Variants in CSMD3 observed in about 807,000 individuals in gnomAD.
CSMD3 encodes CUB and sushi domain-containing protein 3.
CSMD3 carries 177 observed loss-of-function variants against 435.2 expected under a neutral mutation model. The observed-to-expected ratio is 0.41, with a 90% CI of 0.36 to 0.46. CSMD3 has a LOEUF of 0.46. Ranked by LOEUF, CSMD3 falls within the 20% of genes least tolerant of loss-of-function variation. CSMD3 has a pLI of 0.34. For synonymous variants in CSMD3, 1,656 were observed against 1,520.5 expected (o/e 1.09, Z -2.07); for missense variants, 4,265 against 4,504.6 (o/e 0.95, Z 1.52).
chr8:112,244,820 A>G (rs1287124875), intron 64 of CSMD3, among the ~76,000 whole-genome samples: 1 of 151,772 alleles, frequency 6.6e-6, no homozygotes, highest in African/African-American at 2.4e-5. Context: ...TAAATTGAGA[A>G]AAAAAAAGAC....
chr8:112,847,886 G>A (rs1016835608), intron 11 of CSMD3, among the ~76,000 whole-genome samples: 3 of 152,024 alleles, frequency 2.0e-5, no homozygotes, highest in Non-Finnish European at 4.4e-5. Context: ...TGTATTTAAT[G>A]GATCTAAAGA....
chr8:112,270,063 C>T (rs1229081204), intron 59 of CSMD3, among the ~76,000 whole-genome samples: 1 of 152,112 alleles, frequency 6.6e-6, no homozygotes, highest in East Asian at 1.9e-4. Context: ...GCTTATGAGG[C>T]ATACTTTTAG....
At chr8:112,465,974 C>CAAAAAAAAAAAAAAAAA (rs201876803) in intron 32 of CSMD3, among the ~76,000 whole-genome samples, 3 of 114,158 alleles carry the variant, frequency 2.6e-5, no homozygotes, top group African/African-American at 1.0e-4. Context: ...GACACCATCT[C>CAAAAAAAAAAAAAAAAA]AAAAAAAAAA....
At chr8:112,638,944 G>C in intron 20 of CSMD3, 33 bp from the exon 21 acceptor site, 1 of 1,414,162 alleles carries the variant, frequency 7.1e-7, no homozygotes, top group Non-Finnish European at 1.0e-6. Flanking sequence ...TGAATTTACA[G>C]GTAGATCAGT....
intron 22 of CSMD3, among the ~76,000 whole-genome samples, chr8:112,593,914 T>G (rs189164971): frequency 6.6e-6 from 1 of 152,280 alleles, no homozygotes; most frequent in Admixed American, 6.5e-5. Flanking sequence ...TGTTTTTTGA[T>G]GTTTTTGTCT....
Position 112,688,848 on chromosome 8 carries a change from A to G in CSMD3, c.2155+1020T>C, listed in dbSNP as rs1359307078. 2.6e-5 allele frequency among the ~76,000 whole-genome samples: 4 copies of G among 152,058 alleles called. No homozygotes were observed. The East Asian group carries it at 7.7e-4, about 29-fold the overall frequency. On this transcript the variant is annotated intron_variant, in intron 14 of 70. Transcript: ENST00000297405. ...GTTTTAAAAATTGGTTTTAGTCAGCAAAATTTTCAGTATTTTCACTAAATG... is the reference window on the plus strand; with the variant it reads ...GTTTTAAAAATTGGTTTTAGTCAGCGAAATTTTCAGTATTTTCACTAAATG...
At chr8:112,419,137 T>G (rs1812213131) in intron 32 of CSMD3, among the ~76,000 whole-genome samples, 1 of 152,186 alleles carries the variant, frequency 6.6e-6, no homozygotes, top group South Asian at 2.1e-4. Context: ...CTTTTATATT[T>G]TCTACATATC....
chr8:112,687,060 G>T (rs1369222824), intron 14 of CSMD3, among the ~76,000 whole-genome samples: 3 of 151,504 alleles, frequency 2.0e-5, no homozygotes, highest in Non-Finnish European at 4.4e-5. Flanking sequence ...TTATTTCCTT[G>T]GTATACATTT....
intron 53 of CSMD3, among the ~76,000 whole-genome samples, chr8:112,299,879 G>C (rs953315058): frequency 6.6e-6 from 1 of 151,702 alleles, no homozygotes; most frequent in African/African-American, 2.4e-5. Flanking sequence ...AGACTAAGAG[G>C]CAATATTTTC....
intron 1 of CSMD3, among the ~76,000 whole-genome samples, chr8:113,431,932 A>T (rs1260769897): frequency 1.3e-5 from 2 of 152,188 alleles, no homozygotes; most frequent in African/African-American, 2.4e-5. Flanking sequence ...CAGCTACCCT[A>T]CAAATAGAAA....
At chr8:112,835,154 T>C (rs531905890) in intron 11 of CSMD3, among the ~76,000 whole-genome samples, 1 of 151,950 alleles carries the variant, frequency 6.6e-6, no homozygotes, top group Non-Finnish European at 1.5e-5. Context: ...AAAAAATCCA[T>C]AGATAGCATT....
intron 12 of CSMD3, 36 bp downstream of exon 12, chr8:112,829,650 A>T: frequency 8.0e-7 from 1 of 1,243,778 alleles, no homozygotes; most frequent in Non-Finnish European, 1.2e-6. Flanking sequence ...TTAGTACCCG[A>T]TAGGCTAAGG....
intron 70 of CSMD3, among the ~76,000 whole-genome samples, chr8:112,228,175 G>T (rs1168701472): frequency 6.6e-6 from 1 of 152,114 alleles, no homozygotes; most frequent in East Asian, 1.9e-4. Flanking sequence ...CACTCACCAG[G>T]ATTTGTAATG....
At chr8:112,909,740 T>A (rs886719035) in intron 10 of CSMD3, among the ~76,000 whole-genome samples, 1 of 151,858 alleles carries the variant, frequency 6.6e-6, no homozygotes, top group Non-Finnish European at 1.5e-5. Context: ...CCTCATTTCA[T>A]TTCTTCCCAA....
intron 40 of CSMD3, among the ~76,000 whole-genome samples, chr8:112,350,328 T>C (rs1050578362): frequency 6.7e-6 from 1 of 150,084 alleles, no homozygotes; most frequent in African/African-American, 2.5e-5. Context: ...GAAAGAGATA[T>C]CTTCTTCCTC....
chr8:112,793,934 A>C (rs2078757105), intron 13 of CSMD3, among the ~76,000 whole-genome samples: 1 of 152,170 alleles, frequency 6.6e-6, no homozygotes, highest in South Asian at 2.1e-4. Flanking sequence ...GAAATAATTA[A>C]ACAAAGACAT....
Position 112,869,063 on chromosome 8 carries a change from A to T in CSMD3, c.1634-9797T>A, listed in dbSNP as rs540297122. Among the ~76,000 whole-genome samples the T allele has an allele frequency of 3.9e-5, 6 of 152,246 alleles. No homozygotes were observed. In the South Asian group the frequency reaches 1.2e-3, roughly 32 times the overall value. On this transcript the variant is annotated intron_variant, in intron 10 of 70. Transcript: ENST00000297405. ...GAGGAGAGAGTGGGGATTTTGGTGGATTCATTTTAATTATTTATTTTCTCT... is the reference window on the plus strand; with the variant it reads ...GAGGAGAGAGTGGGGATTTTGGTGGTTTCATTTTAATTATTTATTTTCTCT...
intron 10 of CSMD3, among the ~76,000 whole-genome samples, chr8:112,905,321 T>TATACACACACAC (rs5894119): frequency 1.4e-5 from 2 of 145,582 alleles, no homozygotes; most frequent in African/African-American, 5.1e-5. Context: ...TATATATATA[T>TATACACACACAC]ACACACACAC....
intron 1 of CSMD3, among the ~76,000 whole-genome samples, chr8:113,397,722 G>A (rs1044828652): frequency 1.3e-5 from 2 of 151,976 alleles, no homozygotes; most frequent in African/African-American, 4.8e-5. Context: ...GGAGGCTGAG[G>A]CAGGAGAATG....
Sources: allele counts gnomAD v4.1 joint callset (sites outside exome capture counted in the v4.1 genomes callset), GRCh38; gene constraint gnomAD v4.1.1; transcripts MANE v1.5; gene names NCBI Gene and HGNC (gene_info 2026-07-23, HGNC 2026-07-21).